RFX3: variants seen among roughly 807,000 people sequenced by gnomAD.
The protein encoded by RFX3 is transcription factor RFX3.
A neutral mutation model predicts 98.6 loss-of-function variants in RFX3; 14 were observed. The ratio of observed to expected loss-of-function variants is 0.14; its 90% CI spans 0.09 to 0.22. The LOEUF (loss-of-function observed/expected upper bound fraction) is 0.22. Ranked by LOEUF, RFX3 falls within the 10% of genes least tolerant of loss-of-function variation. RFX3 has a pLI of 1.00. For synonymous variants in RFX3, 383 were observed against 328.4 expected (o/e 1.17, Z -1.80); for missense variants, 639 against 926.9 (o/e 0.69, Z 4.03).
At position 3,330,352 on chromosome 9, in the gene RFX3, G is replaced by T. The variant is rs1294485134; in HGVS notation, c.381C>A (p.Leu127=). 1.9e-6 allele frequency: 3 copies of T among 1,614,132 alleles called. No individual in the cohort carries two copies. The South Asian group carries it at 3.3e-5, about 18-fold the overall frequency. The change falls in exon 4 of 17, where the codon CTC becomes CTA. Residue 127 remains leucine, a synonymous_variant. Coordinates refer to ENST00000617270, the MANE Select transcript of RFX3 (RefSeq NM_001282116.2). Reference sequence around the variant, plus strand: ...GATAGGTTCCTCCAGAGCTGCTGATGAGTTGTCCTCCTGTGACGCCCATCT... The same window carrying T: ...GATAGGTTCCTCCAGAGCTGCTGATTAGTTGTCCTCCTGTGACGCCCATCT... ...GIQMGVTGGQ[L]ISSSGGTYLI... is the part of the protein sequence containing the mutation.
At chr9:3,486,058 G>T (rs985116231) in intron 1 of RFX3, among the ~76,000 whole-genome samples, 5 of 146,900 alleles carry the variant, frequency 3.4e-5, no homozygotes, top group Non-Finnish European at 7.4e-5. Flanking sequence ...CCAGGAGGCG[G>T]AGGTTGCAGT....
chr9:3,425,602 C>T (rs1443585825), intron 1 of RFX3, among the ~76,000 whole-genome samples: 2 of 152,190 alleles, frequency 1.3e-5, no homozygotes, highest in African/African-American at 4.8e-5. Context: ...TTAGATATTT[C>T]AGCTGTTTAA....
chr9:3,349,801 A>G (rs1405785623), intron 2 of RFX3, among the ~76,000 whole-genome samples: 2 of 152,136 alleles, frequency 1.3e-5, no homozygotes, highest in Non-Finnish European at 2.9e-5. Flanking sequence ...TATAGAATAA[A>G]TTTGAAGATC....
chr9:3,257,521 T>C (rs371232941), intron 13 of RFX3, among the ~76,000 whole-genome samples: 14 of 152,332 alleles, frequency 9.2e-5, no homozygotes, highest in African/African-American at 3.4e-4. Flanking sequence ...AGTCTGAACC[T>C]ACAGTAGGCA....
intron 2 of RFX3, among the ~76,000 whole-genome samples, chr9:3,379,232 T>C (rs765349005): frequency 6.6e-6 from 1 of 152,122 alleles, no homozygotes; most frequent in Non-Finnish European, 1.5e-5. Context: ...AATGAAAAAG[T>C]CTGTGAAGGA....
intron 1 of RFX3, among the ~76,000 whole-genome samples, chr9:3,414,194 G>T (rs1587578365): frequency 6.6e-6 from 1 of 152,090 alleles, no homozygotes; most frequent in South Asian, 2.1e-4. Context: ...GACACACATG[G>T]AACTACATCT....
At chr9:3,331,729 A>G (rs959477812) in intron 3 of RFX3, among the ~76,000 whole-genome samples, 1 of 152,032 alleles carries the variant, frequency 6.6e-6, no homozygotes, top group African/African-American at 2.4e-5. Flanking sequence ...TGAGTTTTCC[A>G]TTTTGAGCTC....
chr9:3,319,124 T>G (rs1300407665), intron 4 of RFX3, among the ~76,000 whole-genome samples: 1 of 152,250 alleles, frequency 6.6e-6, no homozygotes, highest in Admixed American at 6.5e-5. Flanking sequence ...ATTCTGAGTA[T>G]AAGAACATTT....
chr9:3,311,618 C>G (rs1442249306), intron 4 of RFX3, among the ~76,000 whole-genome samples: 1 of 152,202 alleles, frequency 6.6e-6, no homozygotes, highest in Admixed American at 6.5e-5. Flanking sequence ...GGCGTGGTGG[C>G]TCTCACCTGT....
intron 1 of RFX3, among the ~76,000 whole-genome samples, chr9:3,462,232 G>C (rs769845563): frequency 6.6e-6 from 1 of 152,004 alleles, no homozygotes; most frequent in Non-Finnish European, 1.5e-5. Flanking sequence ...AACAGATAAT[G>C]ACAAAATGGG....
intron 1 of RFX3, among the ~76,000 whole-genome samples, chr9:3,436,322 C>T (rs1336504621): frequency 2.6e-5 from 4 of 151,946 alleles, no homozygotes; most frequent in African/African-American, 9.7e-5. Context: ...TAAACATATC[C>T]AGTTTATAAA....
At chr9:3,251,690 T>G (rs1207737388) in intron 14 of RFX3, among the ~76,000 whole-genome samples, 1 of 152,096 alleles carries the variant, frequency 6.6e-6, no homozygotes, top group Non-Finnish European at 1.5e-5. Flanking sequence ...TAAAAATATT[T>G]ATTTTAAAAG....
intron 4 of RFX3, among the ~76,000 whole-genome samples, chr9:3,313,584 G>A (rs1464256950): frequency 1.3e-5 from 2 of 152,308 alleles, no homozygotes; most frequent in East Asian, 3.9e-4. Flanking sequence ...TGAGCTAAAG[G>A]AGGATGTTCG....
chr9:3,374,914 CCA>C (rs1838282711), intron 2 of RFX3, among the ~76,000 whole-genome samples: 1 of 151,686 alleles, frequency 6.6e-6, no homozygotes, highest in South Asian at 2.1e-4. Context: ...TCTTCCAGCT[CCA>C]CAGTCTTCAA....
Position 3,340,569 on chromosome 9 carries a change from C to A in RFX3, c.215+6098G>T, listed in dbSNP as rs549660406. ...AACAAATTTACAAGAAAAAAACAAA[C>A]AACCCCATCAAAAAGTGGGCGAAGG... On this transcript the variant is annotated intron_variant, in intron 3 of 16. Coordinates refer to ENST00000617270, the MANE Select transcript of RFX3 (RefSeq NM_001282116.2). Among the ~76,000 whole-genome samples the A allele has an allele frequency of 3.3e-5, 5 of 152,224 alleles. No individual in the cohort carries two copies. The East Asian group carries it at 9.7e-4, about 29-fold the overall frequency.
chr9:3,273,635 G>A (rs1345235209), intron 9 of RFX3, among the ~76,000 whole-genome samples: 1 of 152,040 alleles, frequency 6.6e-6, no homozygotes, highest in Non-Finnish European at 1.5e-5. Flanking sequence ...AGGCTGAAGC[G>A]GGTGGATCAC....
intron 1 of RFX3, among the ~76,000 whole-genome samples, chr9:3,402,140 A>C (rs1410966627): frequency 6.6e-6 from 1 of 152,214 alleles, no homozygotes; most frequent in African/African-American, 2.4e-5. Context: ...TTACTTATCA[A>C]ACAGAACTAT....
At chr9:3,452,359 G>C (rs977886687) in intron 1 of RFX3, 2 of 329,774 alleles carry the variant, frequency 6.1e-6, no homozygotes, top group African/African-American at 4.3e-5. Flanking sequence ...GGGAGGCCAA[G>C]GCAGGAGAAC....
intron 10 of RFX3, 68 bp from the exon 11 acceptor site, chr9:3,270,593 A>T: frequency 1.3e-6 from 2 of 1,486,254 alleles, no homozygotes; most frequent in South Asian, 2.5e-5. Context: ...GGACTTTAAA[A>T]ATAGTTTAAG....
Sources: allele counts gnomAD v4.1 joint callset (sites outside exome capture counted in the v4.1 genomes callset), GRCh38; gene constraint gnomAD v4.1.1; transcripts MANE v1.5; gene names NCBI Gene and HGNC (gene_info 2026-07-23, HGNC 2026-07-21).